Variants in PTCHD4 observed in about 807,000 individuals in gnomAD.
PTCHD4 encodes the protein patched domain containing 4.
A neutral mutation model predicts 58.1 loss-of-function variants in PTCHD4; 33 were observed. The ratio of observed to expected loss-of-function variants is 0.57; its 90% CI spans 0.43 to 0.76. The LOEUF (loss-of-function observed/expected upper bound fraction) is 0.76. PTCHD4 is among the 30% of genes least tolerant of loss of function. PTCHD4 has a pLI of 0.00. For synonymous variants in PTCHD4, 478 were observed against 409.6 expected (o/e 1.17, Z -2.02); for missense variants, 1,058 against 1,027.1 (o/e 1.03, Z -0.41).
At chr6:48,066,758 C>T (rs1172074170) in intron 3 of PTCHD4, among the ~76,000 whole-genome samples, 2 of 151,650 alleles carry the variant, frequency 1.3e-5, no homozygotes, top group African/African-American at 4.9e-5. Context: ...AGCTGAAACC[C>T]TTGTCAGCCT....
chr6:47,991,343 T>C (rs924955085), intron 4 of PTCHD4, among the ~76,000 whole-genome samples: 1 of 152,116 alleles, frequency 6.6e-6, no homozygotes, highest in Non-Finnish European at 1.5e-5. Context: ...ATTTTCAATA[T>C]AATAAAGGAA....
chr6:48,091,681 T>A (rs1260460400), intron 1 of PTCHD4, among the ~76,000 whole-genome samples: 6 of 145,928 alleles, frequency 4.1e-5, no homozygotes, highest in Non-Finnish European at 9.1e-5. Context: ...GAGTCTCGCT[T>A]TGTTGCCCAG....
At chr6:47,902,931 C>A (rs1389282959) in intron 4 of PTCHD4, among the ~76,000 whole-genome samples, 1 of 152,120 alleles carries the variant, frequency 6.6e-6, no homozygotes, top group Non-Finnish European at 1.5e-5. Flanking sequence ...ATTATGATGA[C>A]CCGAGAGTGA....
At chr6:48,064,250 C>T (rs897092373) in intron 3 of PTCHD4, among the ~76,000 whole-genome samples, 7 of 152,092 alleles carry the variant, frequency 4.6e-5, no homozygotes, top group African/African-American at 1.2e-4. Context: ...GTCTTTACTG[C>T]AGCTAAAATA....
intron 3 of PTCHD4, among the ~76,000 whole-genome samples, chr6:48,009,882 T>C (rs906371103): frequency 6.6e-6 from 1 of 152,068 alleles, no homozygotes; most frequent in Non-Finnish European, 1.5e-5. Context: ...ATTTTCAGAG[T>C]TTGACATGAG....
At chr6:47,918,985 A>T (rs1165763345) in intron 4 of PTCHD4, among the ~76,000 whole-genome samples, 1 of 152,108 alleles carries the variant, frequency 6.6e-6, no homozygotes, top group African/African-American at 2.4e-5. Flanking sequence ...AACTAGTTAG[A>T]TTAGACCGAA....
intron 4 of PTCHD4, among the ~76,000 whole-genome samples, chr6:47,898,212 G>A (rs1228968195): frequency 6.6e-6 from 1 of 151,932 alleles, no homozygotes; most frequent in Non-Finnish European, 1.5e-5. Context: ...CCAAAGTGCT[G>A]GGATTACAGG....
chr6:48,109,570 A>T (rs746139963), intron 1 of PTCHD4, among the ~76,000 whole-genome samples: 4 of 152,114 alleles, frequency 2.6e-5, no homozygotes, highest in Non-Finnish European at 4.4e-5. Context: ...ACATCAAACT[A>T]AAAAGCTCCT....
At chr6:47,956,092 C>T (rs1296321950) in intron 4 of PTCHD4, among the ~76,000 whole-genome samples, 1 of 152,140 alleles carries the variant, frequency 6.6e-6, no homozygotes, top group Non-Finnish European at 1.5e-5. Context: ...ATGAGTAGTA[C>T]AGCACTGGAA....
At chr6:48,073,132 G>T (rs937863511) in intron 1 of PTCHD4, among the ~76,000 whole-genome samples, 1 of 152,112 alleles carries the variant, frequency 6.6e-6, no homozygotes, top group Admixed American at 6.5e-5. Context: ...TTAAAATAGG[G>T]CTTAATATAA....
chr6:47,888,985 A>G (rs1764287448), intron 4 of PTCHD4, among the ~76,000 whole-genome samples: 1 of 49,528 alleles, frequency 2.0e-5, no homozygotes, highest in African/African-American at 8.2e-5. Flanking sequence ...AAGGACATGA[A>G]CTCATCATTT....
intron 4 of PTCHD4, among the ~76,000 whole-genome samples, chr6:47,882,635 A>G (rs1764051344): frequency 6.6e-6 from 1 of 150,806 alleles, no homozygotes; most frequent in Non-Finnish European, 1.5e-5. Context: ...TCTGTCCCTT[A>G]AAATACTTTC....
chr6:47,887,811 G>A (rs1764240121), intron 4 of PTCHD4, among the ~76,000 whole-genome samples: 1 of 152,104 alleles, frequency 6.6e-6, no homozygotes, highest in Non-Finnish European at 1.5e-5. Context: ...TGATTATCAA[G>A]CCCCAAAGGT....
intron 4 of PTCHD4, among the ~76,000 whole-genome samples, chr6:47,897,002 C>T (rs1764546892): frequency 6.6e-6 from 1 of 152,102 alleles, no homozygotes; most frequent in South Asian, 2.1e-4. Context: ...CAGTACCTGG[C>T]ACTCAGTAAA....
intron 3 of PTCHD4, among the ~76,000 whole-genome samples, chr6:48,011,440 T>A (rs1389978379): frequency 6.6e-6 from 1 of 152,184 alleles, no homozygotes; most frequent in Non-Finnish European, 1.5e-5. Flanking sequence ...TCTTGTAAAT[T>A]TGGTTAAGTT....
intron 4 of PTCHD4, among the ~76,000 whole-genome samples, chr6:47,970,830 T>C (rs1233599605): frequency 2.6e-5 from 4 of 152,218 alleles, no homozygotes; most frequent in African/African-American, 9.6e-5. Context: ...TTATTACAAA[T>C]GCAAATTTTC....
At chr6:47,901,521 T>C in intron 4 of PTCHD4, 1 of 990,126 alleles carries the variant, frequency 1.0e-6, no homozygotes, top group Non-Finnish European at 1.2e-6. Flanking sequence ...ACCTATATGA[T>C]TGGAATCAAT....
chr6:48,060,437 T>A (rs1302510112), intron 3 of PTCHD4, among the ~76,000 whole-genome samples: 1 of 152,202 alleles, frequency 6.6e-6, no homozygotes, highest in Admixed American at 6.5e-5. Context: ...CATACCTTTT[T>A]AGCTTTCTAG....
At chr6:47,902,815 G>A (rs780006042) in intron 4 of PTCHD4, among the ~76,000 whole-genome samples, 1 of 151,972 alleles carries the variant, frequency 6.6e-6, no homozygotes, top group Non-Finnish European at 1.5e-5. Context: ...TAAAAATTTT[G>A]ATGTTTTTCT....
Sources: allele counts gnomAD v4.1 joint callset (sites outside exome capture counted in the v4.1 genomes callset), GRCh38; gene constraint gnomAD v4.1.1; transcripts MANE v1.5; gene names NCBI Gene and HGNC (gene_info 2026-07-23, HGNC 2026-07-21).